The following APBB2 variants were observed in gnomAD, a reference collection of about 807,000 sequenced individuals.
APBB2 encodes the protein Fe65-like 1.
APBB2 carries 38 observed loss-of-function variants against 82.5 expected under a neutral mutation model. The ratio of observed to expected loss-of-function variants is 0.46; its 90% CI spans 0.36 to 0.60. The LOEUF is 0.60. APBB2 is among the 20% of genes least tolerant of loss of function. APBB2 has a pLI of 0.00. For synonymous variants in APBB2, 341 were observed against 368.2 expected (o/e 0.93, Z 0.85); for missense variants, 772 against 972.3 (o/e 0.79, Z 2.74).
At chr4:40,978,546 A>T (rs1797729692) in intron 6 of APBB2, among the ~76,000 whole-genome samples, 1 of 151,980 alleles carries the variant, frequency 6.6e-6, no homozygotes, top group Non-Finnish European at 1.5e-5. Context: ...TATTTTTTTT[A>T]AATCAAGCAT....
chr4:40,950,745 A>G (rs1256867283), intron 6 of APBB2, among the ~76,000 whole-genome samples: 2 of 152,226 alleles, frequency 1.3e-5, no homozygotes, highest in Non-Finnish European at 2.9e-5. Flanking sequence ...CAAGATGCTG[A>G]GGCAGGAGAA....
chr4:40,901,000 C>T (rs1242868615), intron 10 of APBB2, among the ~76,000 whole-genome samples: 1 of 152,160 alleles, frequency 6.6e-6, no homozygotes, highest in Non-Finnish European at 1.5e-5. Context: ...GGTCACACAG[C>T]TCTGTGGACA....
intron 1 of APBB2, among the ~76,000 whole-genome samples, chr4:41,199,595 A>G (rs1405610725): frequency 6.6e-6 from 1 of 152,232 alleles, no homozygotes; most frequent in Non-Finnish European, 1.5e-5. Flanking sequence ...TTTATTTGTT[A>G]AACTCTTAAT....
At chr4:41,056,444 G>A (rs1727887364) in intron 4 of APBB2, among the ~76,000 whole-genome samples, 1 of 152,264 alleles carries the variant, frequency 6.6e-6, no homozygotes, top group Non-Finnish European at 1.5e-5. Context: ...TCCTGTTGGA[G>A]GAAGATGATC....
chr4:40,975,001 C>T (rs915417657), intron 6 of APBB2, among the ~76,000 whole-genome samples: 1 of 152,204 alleles, frequency 6.6e-6, no homozygotes, highest in African/African-American at 2.4e-5. Flanking sequence ...CAACAAGAGA[C>T]ACTTCAACCC....
rs34662232 is a variant in APBB2, at chr4:40,948,760, TAAAAAAA to T, written c.836-3694_836-3688del. On this transcript the variant is annotated intron_variant, in intron 6 of 17. Coordinates refer to ENST00000508593, the MANE Select transcript of APBB2 (RefSeq NM_004307.2). ...GGGTGACAGAGTGAGACTCCCATCT[TAAAAAAA>T]AAAAAAAAAAAAAAAAGAGCCTAAT... is the stretch of plus-strand genomic sequence containing the variant. 3.6e-5 allele frequency among the ~76,000 whole-genome samples: 3 copies of T among 83,358 alleles called. No individual in the cohort carries two copies. In the Admixed American group the frequency reaches 4.3e-4, roughly 12 times the overall value. 54.7% of individuals were successfully genotyped at this position (83,358 alleles called of 152,430 possible). A position where few individuals can be genotyped will look rare whatever the true frequency, so the allele number is the denominator to read the frequency against.
At chr4:41,197,766 T>A in intron 1 of APBB2, among the ~76,000 whole-genome samples, 1 of 152,222 alleles carries the variant, frequency 6.6e-6, no homozygotes, top group African/African-American at 2.4e-5. Flanking sequence ...CTCTTCTTTC[T>A]ACCCCCATAT....
At chr4:41,116,499 C>T (rs896026660) in intron 2 of APBB2, among the ~76,000 whole-genome samples, 8 of 151,942 alleles carry the variant, frequency 5.3e-5, no homozygotes, top group Admixed American at 1.3e-4. Context: ...GGCATGGTGG[C>T]GGGTGCCTGT....
intron 12 of APBB2, among the ~76,000 whole-genome samples, chr4:40,837,990 T>C (rs1290317940): frequency 1.3e-5 from 2 of 152,072 alleles, no homozygotes; most frequent in Admixed American, 6.6e-5. Context: ...ATACATCTTA[T>C]CTGACAGCCT....
intron 10 of APBB2, among the ~76,000 whole-genome samples, chr4:40,923,709 C>T (rs73810678): frequency 0.03 from 4,517 of 152,274 alleles, 195 homozygotes; most frequent in African/African-American, 0.091. Context: ...CCTTCATTAG[C>T]TTTTCCAGGC....
rs147114146 is a variant in APBB2, at chr4:40,946,778, C to T, written c.836-1705G>A. Among the ~76,000 whole-genome samples, 56 of 152,282 alleles carry T rather than the reference C, an allele frequency of 3.7e-4. 1 individual carries two copies. In the East Asian group the frequency reaches 8.3e-3, roughly 23 times the overall value. On this transcript the variant is annotated intron_variant, in intron 6 of 17. Coordinates refer to ENST00000508593, the MANE Select transcript of APBB2 (RefSeq NM_004307.2). ...TCCTATGTGGCCATACAAAAGCAAC[C>T]GGAGTGCTTTCCGGCAATTCAAAGG... is the stretch of plus-strand genomic sequence containing the variant.
At chr4:40,837,710 G>A (rs1260774978) in intron 12 of APBB2, among the ~76,000 whole-genome samples, 2 of 152,188 alleles carry the variant, frequency 1.3e-5, no homozygotes, top group African/African-American at 4.8e-5. Flanking sequence ...CATACATGGA[G>A]TCTCACTCCA....
intron 12 of APBB2, among the ~76,000 whole-genome samples, chr4:40,882,129 C>T: frequency 6.6e-6 from 1 of 152,056 alleles, no homozygotes; most frequent in South Asian, 2.1e-4. Context: ...AGAAACCACA[C>T]CAGTCATTTG....
chr4:40,917,287 T>C (rs1452626239), intron 10 of APBB2, among the ~76,000 whole-genome samples: 1 of 152,204 alleles, frequency 6.6e-6, no homozygotes, highest in South Asian at 2.1e-4. Context: ...CTTTTAGAGC[T>C]GAACTCCAAG....
At chr4:40,900,666 A>C (rs1245003778) in intron 10 of APBB2, among the ~76,000 whole-genome samples, 1 of 151,778 alleles carries the variant, frequency 6.6e-6, no homozygotes, top group Admixed American at 6.6e-5. Context: ...CATGTTGGCC[A>C]GGCTGGTCTC....
chr4:40,896,481 G>A (rs543511279), intron 10 of APBB2, among the ~76,000 whole-genome samples: 31 of 152,302 alleles, frequency 2.0e-4, no homozygotes, highest in African/African-American at 6.5e-4. Context: ...AATTTTGCTC[G>A]TTTGTAAAAA....
chr4:40,926,658 G>A (rs955667605), intron 10 of APBB2, among the ~76,000 whole-genome samples: 6 of 152,138 alleles, frequency 3.9e-5, no homozygotes, highest in Non-Finnish European at 8.8e-5. Context: ...CCGTCATGTT[G>A]GCCAGGCTAG....
intron 1 of APBB2, among the ~76,000 whole-genome samples, chr4:41,198,874 G>T (rs952952130): frequency 2.6e-5 from 4 of 152,042 alleles, no homozygotes; most frequent in Admixed American, 6.6e-5. Flanking sequence ...CTCCATCTTC[G>T]CATGTCTTCC....
At chr4:40,956,154 A>G (rs1380049217) in intron 6 of APBB2, among the ~76,000 whole-genome samples, 1 of 150,926 alleles carries the variant, frequency 6.6e-6, no homozygotes, top group African/African-American at 2.4e-5. Context: ...TAGTCCCTTT[A>G]TTTTTTCTGG....
Sources: gnomAD v4.1 joint callset for allele counts (sites outside exome capture counted in the v4.1 genomes callset) on GRCh38, gnomAD v4.1.1 for gene constraint, MANE v1.5 for transcripts, NCBI Gene and HGNC (gene_info 2026-07-23, HGNC 2026-07-21) for gene names.